DEFA5: variants seen among roughly 807,000 people sequenced by gnomAD.
DEFA5 encodes the protein HD5(20-94).
In DEFA5, 11 loss-of-function variants were observed where a neutral mutation model predicts 8.7. The ratio of observed to expected loss-of-function variants is 1.26; its 90% CI spans 0.80 to 2.09. DEFA5 has a LOEUF of 2.09. Ranked by LOEUF, DEFA5 falls within the 30% of genes most tolerant of loss-of-function variation. The pLI is 0.00. For synonymous variants in DEFA5, 52 were observed against 43.9 expected (o/e 1.18, Z -0.73); for missense variants, 181 against 117.2 (o/e 1.54, Z -2.52).
intron 1 of DEFA5, among the ~76,000 whole-genome samples, 185 bp downstream of exon 1, chr8:7,056,341 G>T (rs887546468): frequency 6.6e-6 from 1 of 152,112 alleles, no homozygotes; most frequent in Non-Finnish European, 1.5e-5. Context: ...GAAAGTCTTA[G>T]AAAAAAGAAA....
In DEFA5 at chr8:7,056,725, C is replaced by T. The variant is rs1812447172; in HGVS notation, c.-28G>A. On this transcript the variant is annotated 5_prime_UTR_variant, in exon 1 of 2. Transcript: ENST00000330590. ...CTGGGGTCACCTGCAGGAGGGAGAG[C>T]AGGAGTGGATATGTGGGGAGTGAGG... is the stretch of plus-strand genomic sequence containing the variant. 1 of 1,594,714 alleles carries T rather than the reference C, an allele frequency of 6.3e-7. No individual in the cohort carries two copies. Among genetic ancestry groups the T allele is most frequent in the East Asian group, 2.2e-5 (1 of 44,528 alleles).
intron 1 of DEFA5, 149 bp downstream of exon 1, chr8:7,056,377 C>A (rs1191291602): frequency 1.2e-5 from 9 of 768,708 alleles, no homozygotes; most frequent in Non-Finnish European, 1.7e-5. Flanking sequence ...TTGGTTCTCA[C>A]TGATTAATTT....
rs771619589 is a variant in DEFA5, at chr8:7,056,720, G to A, written c.-23C>T. 3 of 1,597,734 alleles carry A rather than the reference G, an allele frequency of 1.9e-6. No homozygotes were observed. The East Asian group carries it at 6.7e-5, about 36-fold the overall frequency. ...CATGGCTGGGGTCACCTGCAGGAGG[G>A]AGAGCAGGAGTGGATATGTGGGGAG... On this transcript the variant is annotated 5_prime_UTR_variant, in exon 1 of 2. Coordinates refer to ENST00000330590, the MANE Select transcript of DEFA5 (RefSeq NM_021010.3).
chr8:7,055,471 C>G lies in DEFA5; in HGVS notation c.245G>C (p.Cys82Ser), dbSNP rs1812384604. 6.2e-7 allele frequency: 1 copy of G among 1,613,878 alleles called. No individual in the cohort carries two copies. Among genetic ancestry groups the G allele is most frequent in the Non-Finnish European group, 8.5e-7 (1 of 1,179,928 alleles). Reference protein sequence around the residue: ...CATRESLSGVCEISGRLYRLC... With the variant: ...CATRESLSGVSEISGRLYRLC... ...TCTGTAGAGGCGGCCACTGATTTCA[C>G]ACACCCCGGAGAGGGACTCACGGGT... The change falls in exon 2 of 2, where the codon TGT becomes TCT. Residue 82 changes from cysteine to serine, a missense_variant. Physicochemically the swap from Cys to Ser is moderately radical, Grantham distance 112 (BLOSUM62 -1). Transcript: ENST00000330590.
chr8:7,056,469 C>G (rs1424995087), intron 1 of DEFA5, 57 bp downstream of exon 1: 37 of 1,531,122 alleles, frequency 2.4e-5, no homozygotes, highest in Non-Finnish European at 3.2e-5. Flanking sequence ...ACTCCAGATC[C>G]TTTCTCCAAT....
At chr8:7,056,503 T>A in intron 1 of DEFA5, 23 bp downstream of exon 1, 1 of 1,578,134 alleles carries the variant, frequency 6.3e-7, no homozygotes, top group African/African-American at 1.3e-5. Context: ...ATTTTGCAGA[T>A]GTGCAAGATT....
rs773623860 is a variant in DEFA5, at chr8:7,055,473, C to T, written c.243G>A (p.Val81=). Residue 81 remains valine, a synonymous_variant, in exon 2 of 2, where the codon GTG becomes GTA. Transcript: ENST00000330590. ...RCATRESLSG[V]CEISGRLYRL... ...TGTAGAGGCGGCCACTGATTTCACA[C>T]ACCCCGGAGAGGGACTCACGGGTAG... 2 of 1,613,882 alleles carry T rather than the reference C, an allele frequency of 1.2e-6. No homozygotes were observed. Among genetic ancestry groups the T allele is most frequent in the African/African-American group, 1.3e-5 (1 of 75,028 alleles).
chr8:7,055,838 C>T (rs746539623), intron 1 of DEFA5, among the ~76,000 whole-genome samples: 3 of 152,120 alleles, frequency 2.0e-5, no homozygotes, highest in Non-Finnish European at 4.4e-5. Flanking sequence ...GCTTCATCCA[C>T]ACGCCTAATC....
chr8:7,056,693 C>T lies in DEFA5; in HGVS notation c.5G>A (p.Arg2Lys), dbSNP rs1812445845. Residue 2 changes from arginine to lysine, a missense_variant, in exon 1 of 2, where the codon AGG becomes AAG. Physicochemically the swap from Arg to Lys is conservative, Grantham distance 26. Transcript: ENST00000330590. Reference sequence around the variant, plus strand: ...AATGGCAGCAAGGATGGCGATGGTCCTCATGGCTGGGGTCACCTGCAGGAG... The same window carrying T: ...AATGGCAGCAAGGATGGCGATGGTCTTCATGGCTGGGGTCACCTGCAGGAG... M[R>K]TIAILAAILL... 6 of 1,611,052 alleles carry T rather than the reference C, an allele frequency of 3.7e-6. No homozygotes were observed. In the East Asian group the frequency reaches 1.3e-4, roughly 36 times the overall value.
In DEFA5 at chr8:7,055,597, G is replaced by A. The variant is rs570055625; in HGVS notation, c.173-54C>T. On this transcript the variant is annotated intron_variant, in intron 1 of 1. Transcript: ENST00000330590. ...GCGAGGGAGGTGGGAAAAAGGACAAGCACAGCCAGACTAACTGAGATAGTC... is the reference window on the plus strand; with the variant it reads ...GCGAGGGAGGTGGGAAAAAGGACAAACACAGCCAGACTAACTGAGATAGTC... 559 of 1,209,538 alleles carry A rather than the reference G, an allele frequency of 4.6e-4. 1 individual carries two copies. The Middle Eastern group carries it at 9.3e-3, about 20-fold the overall frequency. 74.9% of individuals were successfully genotyped at this position (1,209,538 alleles called of 1,614,324 possible). A position where few individuals can be genotyped will look rare whatever the true frequency, so the allele number is the denominator to read the frequency against.
intron 1 of DEFA5, among the ~76,000 whole-genome samples, chr8:7,056,216 C>G (rs1314167916): frequency 6.6e-6 from 1 of 152,048 alleles, no homozygotes; most frequent in Non-Finnish European, 1.5e-5. Context: ...TTCCAATGGA[C>G]AAAGTAAAAC....
intron 1 of DEFA5, 53 bp downstream of exon 1, chr8:7,056,473 C>T: frequency 6.5e-7 from 1 of 1,542,538 alleles, no homozygotes; most frequent in South Asian, 1.2e-5. Context: ...CAGATCCTTT[C>T]TCCAATCCTT....
At position 7,056,533 on chromosome 8, in the gene DEFA5, T is replaced by C. The variant is rs1224314755; in HGVS notation, c.165A>G (p.Arg55=). 1.9e-6 allele frequency: 3 copies of C among 1,609,878 alleles called. No individual in the cohort carries two copies. In the African/African-American group the frequency reaches 4.0e-5, roughly 21 times the overall value. ...SFAGNGLSAL[R]TSGSQARATC... is the part of the protein sequence containing the mutation. ...AAGATTGATGTCTCCTACCTGAGGT[T>C]CTAAGAGCAGAGAGTCCATTTCCTG... is the stretch of plus-strand genomic sequence containing the variant. The change falls in exon 1 of 2, where the codon AGA becomes AGG. Residue 55 remains arginine (R), a synonymous_variant. Transcript: ENST00000330590.
At chr8:7,056,419 A>T in intron 1 of DEFA5, 107 bp downstream of exon 1, 5 of 1,135,776 alleles carry the variant, frequency 4.4e-6, no homozygotes, top group South Asian at 2.2e-5. Context: ...CAGGAAGATT[A>T]AGTAAAGTCA....
intron 1 of DEFA5, among the ~76,000 whole-genome samples, 176 bp from the exon 2 acceptor site, chr8:7,055,719 C>A (rs1812399445): frequency 6.6e-6 from 1 of 152,188 alleles, no homozygotes; most frequent in Non-Finnish European, 1.5e-5. Context: ...GTTAGTCATG[C>A]AAGATCATAG....
rs768401099 is a variant in DEFA5 at position 7,056,707 on chromosome 8, C to G, written c.-10G>C. ...TGGCGATGGTCCTCATGGCTGGGGT[C>G]ACCTGCAGGAGGGAGAGCAGGAGTG... On this transcript the variant is annotated 5_prime_UTR_variant, in exon 1 of 2. Transcript: ENST00000330590. 2.5e-6 allele frequency: 4 copies of G among 1,604,950 alleles called. No homozygotes were observed. Among genetic ancestry groups the G allele is most frequent in the Non-Finnish European group, 2.6e-6 (3 of 1,173,858 alleles).
In DEFA5 at chr8:7,056,543, G is replaced by C; in HGVS notation, c.155C>G (p.Ser52Cys). 1 of 1,612,318 alleles carries C rather than the reference G, an allele frequency of 6.2e-7. No individual in the cohort carries two copies. The highest frequency in any genetic ancestry group is 8.5e-7 in the Non-Finnish European group (1 of 1,178,608). ...LAISFAGNGL[S>C]ALRTSGSQAR... is the part of the protein sequence containing the mutation. ...TCTCCTACCTGAGGTTCTAAGAGCA[G>C]AGAGTCCATTTCCTGCAAAGGAGAT... Residue 52 changes from serine (S) to cysteine (C), a missense_variant, in exon 1 of 2, where the codon TCT becomes TGT. Coordinates refer to ENST00000330590, the MANE Select transcript of DEFA5 (RefSeq NM_021010.3).
chr8:7,056,170 C>T (rs1309190273), intron 1 of DEFA5, among the ~76,000 whole-genome samples: 1 of 152,038 alleles, frequency 6.6e-6, no homozygotes, highest in East Asian at 1.9e-4. Context: ...TACATCAAAA[C>T]ACACCTATAG....
rs1191782670 is a variant in DEFA5 at position 7,055,419 on chromosome 8, T to C, written c.*12A>G. 6.2e-7 allele frequency: 1 copy of C among 1,608,706 alleles called. No individual in the cohort carries two copies. The highest frequency in any genetic ancestry group is 1.3e-5 in the African/African-American group (1 of 74,858). On this transcript the variant is annotated 3_prime_UTR_variant, in exon 2 of 2. Coordinates refer to ENST00000330590, the MANE Select transcript of DEFA5 (RefSeq NM_021010.3). Reference sequence around the variant, plus strand: ...CTGAATCTTGCACTGCTTTGGTTTCTATCTAGGAAGCTCAGCGACAGCAGA... The same window carrying C: ...CTGAATCTTGCACTGCTTTGGTTTCCATCTAGGAAGCTCAGCGACAGCAGA...
Sources: gnomAD v4.1 joint callset for allele counts (sites outside exome capture counted in the v4.1 genomes callset) on GRCh38, gnomAD v4.1.1 for gene constraint, MANE v1.5 for transcripts, NCBI Gene and HGNC (gene_info 2026-07-23, HGNC 2026-07-21) for gene names.